Variants in PRKN observed in about 807,000 individuals in gnomAD.
PRKN encodes the protein parkin RBR E3 ubiquitin protein ligase.
PRKN carries 56 observed loss-of-function variants against 59.5 expected under a neutral mutation model. The ratio of observed to expected loss-of-function variants is 0.94; its 90% CI spans 0.76 to 1.18. PRKN has a LOEUF of 1.18. Ranked by LOEUF, PRKN falls within the 50% of genes most tolerant of loss-of-function variation. The pLI is 0.00. For synonymous variants in PRKN, 250 were observed against 222.1 expected, an observed-to-expected ratio of 1.13 and a Z score of -1.12; for missense variants, 657 against 596.4, an observed-to-expected ratio of 1.10 and a Z score of -1.06.
chr6:161,824,231 G>T (rs1401972068), intron 6 of PRKN, among the ~76,000 whole-genome samples: 1 of 152,150 alleles, frequency 6.6e-6, no homozygotes, highest in Non-Finnish European at 1.5e-5. Context: ...AAGGAAGCAG[G>T]TTTGAAGTTT....
intron 10 of PRKN, among the ~76,000 whole-genome samples, chr6:161,365,940 G>C (rs1785178086): frequency 6.6e-6 from 1 of 152,200 alleles, no homozygotes; most frequent in Non-Finnish European, 1.5e-5. Flanking sequence ...GGAAAATTGA[G>C]AGCAGCAATT....
intron 2 of PRKN, among the ~76,000 whole-genome samples, chr6:162,323,112 C>A (rs558532117): frequency 2.3e-3 from 343 of 150,606 alleles, no homozygotes; most frequent in Non-Finnish European, 4.1e-3. Context: ...GGGAGATATA[C>A]CTAATGCTAG....
At chr6:162,131,723 A>G (rs191777069) in intron 4 of PRKN, among the ~76,000 whole-genome samples, 7 of 152,352 alleles carry the variant, frequency 4.6e-5, no homozygotes, top group South Asian at 2.1e-4. Flanking sequence ...AATTTTTCCA[A>G]AGATACTTCA....
intron 2 of PRKN, among the ~76,000 whole-genome samples, chr6:162,292,221 C>G (rs1781465157): frequency 6.6e-6 from 1 of 152,110 alleles, no homozygotes; most frequent in Non-Finnish European, 1.5e-5. Flanking sequence ...ACCTCGGCCT[C>G]CCAAAGTGCT....
intron 6 of PRKN, among the ~76,000 whole-genome samples, chr6:161,932,961 T>C (rs1374417485): frequency 6.6e-6 from 1 of 152,236 alleles, no homozygotes; most frequent in Non-Finnish European, 1.5e-5. Flanking sequence ...ATGTGGGTTA[T>C]AAGTATCAAT....
At chr6:161,976,607 C>A (rs1781043129) in intron 5 of PRKN, among the ~76,000 whole-genome samples, 1 of 152,070 alleles carries the variant, frequency 6.6e-6, no homozygotes, top group Non-Finnish European at 1.5e-5. Flanking sequence ...ATGGCCAGCT[C>A]AAGGGTATTG....
chr6:162,582,056 T>C (rs1780813495), intron 1 of PRKN, among the ~76,000 whole-genome samples: 1 of 152,228 alleles, frequency 6.6e-6, no homozygotes, highest in African/African-American at 2.4e-5. Flanking sequence ...TGCTAACCAC[T>C]ATAGTCAAGT....
chr6:161,730,520 AGTGTT>A lies in PRKN; in HGVS notation c.871+55247_871+55251del, dbSNP rs1562638896. ...TGCAGTCTGATGTGTTGCATTCTGA[AGTGTT>A]GCATTCTTTCTGATGTGTTGCATTC... On this transcript the variant is annotated intron_variant, in intron 7 of 11. Transcript: ENST00000366898. Among the ~76,000 whole-genome samples the A allele has an allele frequency of 3.0e-4, 31 of 103,774 alleles. 2 individuals carry two copies. The highest frequency in any genetic ancestry group is 1.1e-3 in the African/African-American group (30 of 26,158). 68.1% of individuals were successfully genotyped at this position (103,774 alleles called of 152,430 possible).
intron 1 of PRKN, among the ~76,000 whole-genome samples, chr6:162,487,525 T>A (rs1270669262): frequency 6.6e-6 from 1 of 152,124 alleles, no homozygotes; most frequent in Non-Finnish European, 1.5e-5. Flanking sequence ...TTTTCTTTAC[T>A]GAGGAAATGA....
At chr6:162,022,734 G>C (rs781225540) in intron 5 of PRKN, among the ~76,000 whole-genome samples, 12 of 152,006 alleles carry the variant, frequency 7.9e-5, no homozygotes, top group African/African-American at 2.4e-4. Flanking sequence ...TACTTACCTA[G>C]GTCAGTGTCC....
chr6:161,573,743 A>ATTAT (rs1780998169), intron 7 of PRKN, among the ~76,000 whole-genome samples: 1 of 31,188 alleles, frequency 3.2e-5, no homozygotes, highest in Non-Finnish European at 5.8e-5. Flanking sequence ...AAAAAAAAAA[A>ATTAT]AAAAAAAAAA....
rs532961249 is a variant in PRKN at position 162,414,697 on chromosome 6, CAAG to C, written c.171+28610_171+28612del. Among the ~76,000 whole-genome samples, 369 of 54,294 alleles carry C rather than the reference CAAG, an allele frequency of 6.8e-3. 2 individuals carry two copies. Among genetic ancestry groups the C allele is most frequent in the Non-Finnish European group, 8.5e-3 (257 of 30,376 alleles). The allele number at this position is 54,294 out of a possible 152,430, so 35.6% of individuals were successfully genotyped here. ...CTGCACTCCAGCCTGGTCAACTGAG[CAAG>C]ACTCCGTCTCAAAAAAAAAAAAAAA... On this transcript the variant is annotated intron_variant, in intron 2 of 11. Transcript: ENST00000366898.
At chr6:162,304,009 C>A (rs1311374095) in intron 2 of PRKN, among the ~76,000 whole-genome samples, 1 of 151,882 alleles carries the variant, frequency 6.6e-6, no homozygotes, top group African/African-American at 2.4e-5. Flanking sequence ...GCAGGACAAT[C>A]CTATAACTGA....
chr6:162,420,630 TA>T (rs1788913651), intron 2 of PRKN, among the ~76,000 whole-genome samples: 1 of 152,124 alleles, frequency 6.6e-6, no homozygotes, highest in Non-Finnish European at 1.5e-5. Flanking sequence ...TTCTGAGGAG[TA>T]ATATGGTATT....
intron 7 of PRKN, among the ~76,000 whole-genome samples, chr6:161,698,169 G>A (rs919990140): frequency 5.3e-5 from 8 of 152,038 alleles, no homozygotes; most frequent in African/African-American, 1.4e-4. Context: ...TACACTTAAA[G>A]ATCTATATAT....
At chr6:161,966,337 T>A (rs963037118) in intron 6 of PRKN, among the ~76,000 whole-genome samples, 3 of 150,938 alleles carry the variant, frequency 2.0e-5, no homozygotes, top group Admixed American at 6.6e-5. Context: ...TTTCAATTTT[T>A]ACCCTTTAAA....
At chr6:161,859,332 C>T (rs919919085) in intron 6 of PRKN, among the ~76,000 whole-genome samples, 5 of 151,862 alleles carry the variant, frequency 3.3e-5, no homozygotes, top group South Asian at 2.1e-4. Context: ...AGGCCAGACG[C>T]GGTGACTGAC....
intron 7 of PRKN, among the ~76,000 whole-genome samples, chr6:161,726,708 C>T (rs932221549): frequency 3.3e-5 from 5 of 151,912 alleles, no homozygotes; most frequent in African/African-American, 1.2e-4. Context: ...GAGGCAAAAA[C>T]AAAGATAATG....
At chr6:162,174,744 C>A (rs2128320858) in intron 4 of PRKN, among the ~76,000 whole-genome samples, 1 of 152,316 alleles carries the variant, frequency 6.6e-6, no homozygotes, top group Admixed American at 6.5e-5. Context: ...ATTTAACACA[C>A]AACTAGTCCC....
Sources: gnomAD v4.1 joint callset for allele counts (sites outside exome capture counted in the v4.1 genomes callset) on GRCh38, gnomAD v4.1.1 for gene constraint, MANE v1.5 for transcripts, NCBI Gene and HGNC (gene_info 2026-07-23, HGNC 2026-07-21) for gene names.